Variants in COL4A3 observed in about 807,000 individuals in gnomAD.
COL4A3 encodes collagen type IV alpha 3 chain.
In COL4A3, 135 loss-of-function variants were observed where a neutral mutation model predicts 217.4. The ratio of observed to expected loss-of-function variants is 0.62; its 90% CI spans 0.54 to 0.72. The LOEUF is 0.72. Among genes scored for constraint, COL4A3 ranks in the 30% least tolerant of loss-of-function variants. The probability of loss-of-function intolerance (pLI) is 0.00; values close to 1 mark genes in which losing one functional copy is unlikely to be tolerated. For synonymous variants in COL4A3, 690 were observed against 736.3 expected (o/e 0.94, Z 1.02); for missense variants, 1,868 against 2,119.9 (o/e 0.88, Z 2.33).
chr2:227,289,491 A>C (rs2072547601), intron 35 of COL4A3, among the ~76,000 whole-genome samples: 1 of 152,244 alleles, frequency 6.6e-6, no homozygotes, highest in African/African-American at 2.4e-5. Context: ...AATTGCTGAT[A>C]TGTATTATAA....
At chr2:227,180,261 G>A (rs1216264314) in intron 1 of COL4A3, among the ~76,000 whole-genome samples, 2 of 152,208 alleles carry the variant, frequency 1.3e-5, no homozygotes, top group Non-Finnish European at 2.9e-5. Flanking sequence ...GAAATCTTAT[G>A]AGATGAGGTT....
At chr2:227,307,586 C>A in intron 47 of COL4A3, 124 bp from the exon 48 acceptor site, 1 of 816,422 alleles carries the variant, frequency 1.2e-6, no homozygotes, top group Non-Finnish European at 2.0e-6. Context: ...ATAAGCCACT[C>A]TTCTCTAGGA....
In COL4A3 at chr2:227,297,994, T is replaced by G. The variant is rs1450326836; in HGVS notation, c.3751+135T>G. The G allele has an allele frequency of 4.9e-6, 5 of 1,010,682 alleles. No individual in the cohort carries two copies. In the Admixed American group the frequency reaches 1.0e-4, roughly 20 times the overall value. 62.6% of individuals were successfully genotyped at this position (1,010,682 alleles called of 1,614,324 possible). On this transcript the variant is annotated intron_variant, in intron 42 of 51. Transcript: ENST00000396578. ...ATCTCCATTCCCCCACTACCTGTGG[T>G]TCCCATACCCAGCAGTTGTCAAGGC...
intron 1 of COL4A3, among the ~76,000 whole-genome samples, chr2:227,177,565 A>G (rs1057463822): frequency 2.0e-5 from 3 of 152,190 alleles, no homozygotes; most frequent in African/African-American, 7.2e-5. Flanking sequence ...ATTTCCAATT[A>G]TGTATTTAGA....
At chr2:227,307,609 T>C (rs904998646) in intron 47 of COL4A3, 101 bp from the exon 48 acceptor site, 2 of 1,011,092 alleles carry the variant, frequency 2.0e-6, no homozygotes, top group Non-Finnish European at 3.0e-6. Context: ...GCTTTCAATT[T>C]ATGGGCTCAA....
chr2:227,257,435 G>T (rs147401873), intron 17 of COL4A3, among the ~76,000 whole-genome samples, 168 bp from the exon 18 acceptor site: 1 of 152,162 alleles, frequency 6.6e-6, no homozygotes, highest in African/African-American at 2.4e-5. Context: ...ACCCAGATAC[G>T]CGCTCTCCAG....
intron 50 of COL4A3, among the ~76,000 whole-genome samples, chr2:227,310,301 C>T (rs1223708385): frequency 6.6e-6 from 1 of 152,156 alleles, no homozygotes. Flanking sequence ...CAGAATCTCC[C>T]TCTGTCGCCC....
chr2:227,254,841 G>C lies in COL4A3; in HGVS notation c.888+126G>C. The C allele has an allele frequency of 1.2e-5, 9 of 749,588 alleles. No individual in the cohort carries two copies. In the South Asian group the frequency reaches 1.3e-4, roughly 11 times the overall value. The allele number at this position is 749,588 out of a possible 1,614,324, so 46.4% of individuals were successfully genotyped here. A position where few individuals can be genotyped will look rare whatever the true frequency, so the allele number is the denominator to read the frequency against. ...TAAAAATTTCTGTTCTTTAAGATTT[G>C]GGAGGCAGGATTTACTTACTCAAGT... is the stretch of plus-strand genomic sequence containing the variant. On this transcript the variant is annotated intron_variant, in intron 15 of 51. Coordinates refer to ENST00000396578, the MANE Select transcript of COL4A3 (RefSeq NM_000091.5).
In COL4A3 at chr2:227,193,747, G is replaced by GGGAGGGAGGGAAGGAAGGAA. The variant is rs2066335782; in HGVS notation, c.87+28937_87+28938insGGGAGGGAAGGAAGGAAGGA. ...AAAGAAGGAAGGAGGGAGGGAGGGA[G>GGGAGGGAGGGAAGGAAGGAA]GGAAGGAAGGAAGGAAGGAAGGAAG... On this transcript the variant is annotated intron_variant, in intron 1 of 51. Coordinates refer to ENST00000396578, the MANE Select transcript of COL4A3 (RefSeq NM_000091.5). 7.5e-4 allele frequency among the ~76,000 whole-genome samples: 25 copies of GGGAGGGAGGGAAGGAAGGAA among 33,538 alleles called. 4 individuals carry two copies. Among genetic ancestry groups the GGGAGGGAGGGAAGGAAGGAA allele is most frequent in the African/African-American group, 2.5e-3 (25 of 10,136 alleles). The allele number at this position is 33,538 out of a possible 152,430, so 22.0% of individuals were successfully genotyped here.
At chr2:227,294,876 G>A (rs1352325881) in intron 39 of COL4A3, 88 bp from the exon 40 acceptor site, 3 of 992,440 alleles carry the variant, frequency 3.0e-6, no homozygotes, top group South Asian at 1.3e-5. Flanking sequence ...ACATCTCCCT[G>A]GTATTCCCAT....
intron 23 of COL4A3, among the ~76,000 whole-genome samples, chr2:227,269,598 C>T (rs924008712): frequency 6.6e-6 from 1 of 151,976 alleles, no homozygotes; most frequent in Admixed American, 6.6e-5. Context: ...GATTTTTAGT[C>T]TCTTCTTTCT....
chr2:227,280,497 A>C lies in COL4A3; in HGVS notation c.2281A>C (p.Arg761=). The C allele has an allele frequency of 6.2e-7, 1 of 1,614,176 alleles. No homozygotes were observed. The highest frequency in any genetic ancestry group is 8.5e-7 in the Non-Finnish European group (1 of 1,180,014). ...AGGAACACCAGGTTTTCCAGGAGAAAGAGGCAATTCTGGGGAACATGGAGA... is the reference window on the plus strand; with the variant it reads ...AGGAACACCAGGTTTTCCAGGAGAACGAGGCAATTCTGGGGAACATGGAGA... ...GPGTPGFPGE[R]GNSGEHGEIG... The change falls in exon 30 of 52, where the codon AGA becomes CGA. Residue 761 remains arginine (R), a synonymous_variant. Transcript: ENST00000396578.
intron 14 of COL4A3, 63 bp downstream of exon 14, chr2:227,254,237 G>A: frequency 1.4e-6 from 2 of 1,407,780 alleles, no homozygotes; most frequent in African/African-American, 1.4e-5. Flanking sequence ...TATTTACTTT[G>A]ATGTGTGTTT....
chr2:227,288,072 T>C (rs568259908), intron 34 of COL4A3, among the ~76,000 whole-genome samples: 25 of 152,306 alleles, frequency 1.6e-4, no homozygotes, highest in African/African-American at 5.8e-4. Flanking sequence ...CAATTTACTC[T>C]GTAAGTAATA....
chr2:227,223,553 G>A (rs530390667), intron 1 of COL4A3, among the ~76,000 whole-genome samples: 1 of 124,362 alleles, frequency 8.0e-6, no homozygotes, highest in South Asian at 2.3e-4. Context: ...GACCAACATG[G>A]TGAGACGCCC....
At chr2:227,188,150 G>T (rs1232221682) in intron 1 of COL4A3, among the ~76,000 whole-genome samples, 1 of 152,058 alleles carries the variant, frequency 6.6e-6, no homozygotes, top group African/African-American at 2.4e-5. Context: ...CAGTAGAAAA[G>T]TATGTTAAAC....
At chr2:227,224,636 T>A (rs962742474) in intron 1 of COL4A3, among the ~76,000 whole-genome samples, 11 of 151,956 alleles carry the variant, frequency 7.2e-5, no homozygotes, top group African/African-American at 2.4e-4. Context: ...GCGCCTGTAA[T>A]CCCAGCTAGT....
At chr2:227,180,370 C>G (rs1055634781) in intron 1 of COL4A3, among the ~76,000 whole-genome samples, 1 of 152,194 alleles carries the variant, frequency 6.6e-6, no homozygotes, top group African/African-American at 2.4e-5. Context: ...TTATTGAGTA[C>G]TGTCTGTGCC....
At chr2:227,267,462 A>G (rs901690709) in intron 23 of COL4A3, among the ~76,000 whole-genome samples, 1 of 152,210 alleles carries the variant, frequency 6.6e-6, no homozygotes, top group Non-Finnish European at 1.5e-5. Flanking sequence ...AACCCTACTC[A>G]GTCCATTTTT....
Sources: gnomAD v4.1 joint callset for allele counts (sites outside exome capture counted in the v4.1 genomes callset) on GRCh38, gnomAD v4.1.1 for gene constraint, MANE v1.5 for transcripts, NCBI Gene and HGNC (gene_info 2026-07-23, HGNC 2026-07-21) for gene names.